BCL9L: variants seen among roughly 807,000 people sequenced by gnomAD.
BCL9L encodes the protein BCL9 like.
BCL9L carries 19 observed loss-of-function variants against 99.4 expected under a neutral mutation model. The observed-to-expected ratio is 0.19, with a 90% CI of 0.13 to 0.28. The LOEUF (loss-of-function observed/expected upper bound fraction) is 0.28, where lower values mean the gene tolerates loss of function less well. Among genes scored for constraint, BCL9L ranks in the 10% least tolerant of loss-of-function variants. The probability of loss-of-function intolerance (pLI) is 1.00; values close to 1 mark genes in which losing one functional copy is unlikely to be tolerated. For synonymous variants in BCL9L, 900 were observed against 854.8 expected, an observed-to-expected ratio of 1.05 and a Z score of -0.92; for missense variants, 2,023 against 2,101.6, an observed-to-expected ratio of 0.96 and a Z score of 0.73.
In BCL9L at chr11:118,900,611, T is replaced by C. The variant is rs376069243; in HGVS notation, c.3124+8A>G. ...CTGCCTGCCTGCCTGCCTGCGCAAT[T>C]GACTCACCCTGTTCCATGTTGCTCA... On this transcript the variant is annotated splice_region_variant and intron_variant, in intron 8 of 9. Transcript: ENST00000683865. The surrounding 1 kb of genome is among the most constrained non-coding windows in gnomAD (Gnocchi z 5.3). 2.5e-6 allele frequency: 4 copies of C among 1,592,294 alleles called. No individual in the cohort carries two copies. The highest frequency in any genetic ancestry group is 3.4e-6 in the Non-Finnish European group (4 of 1,167,356).
chr11:118,899,258 C>T lies in BCL9L; in HGVS notation c.3657G>A (p.Val1219=), dbSNP rs1446339191. Residue 1219 remains valine, a synonymous_variant, in exon 10 of 10, where the codon GTG becomes GTA. Transcript: ENST00000683865. The part of the protein sequence containing the change: ...PDSLNAPCGP[V]PSSSQMMPFP... ...AGGGCATCATCTGGGAGGAGCTGGG[C>T]ACTGGGCCACAGGGGGCATTCAGGG... 1 of 1,524,904 alleles carries T rather than the reference C, an allele frequency of 6.6e-7. No individual in the cohort carries two copies. Among genetic ancestry groups the T allele is most frequent in the Non-Finnish European group, 8.8e-7 (1 of 1,137,464 alleles). The allele number at this position is 1,524,904 out of a possible 1,614,324, so 94.5% of individuals were successfully genotyped here.
rs372313143 is a variant in BCL9L at position 118,899,279 on chromosome 11, C to A, written c.3636G>T (p.Leu1212=). ...MMMAPGGPDS[L]NAPCGPVPSS... is the part of the protein sequence containing the mutation. ...TGGGCACTGGGCCACAGGGGGCATTCAGGGAGTCGGGGCCCCCTGGGGCCA... is the reference window on the plus strand; with the variant it reads ...TGGGCACTGGGCCACAGGGGGCATTAAGGGAGTCGGGGCCCCCTGGGGCCA... Residue 1212 remains leucine, a synonymous_variant, in exon 10 of 10, where the codon CTG becomes CTT. Coordinates refer to ENST00000683865, the MANE Select transcript of BCL9L (RefSeq NM_001378213.1). 5.2e-6 allele frequency: 8 copies of A among 1,529,868 alleles called. No homozygotes were observed. Among genetic ancestry groups the A allele is most frequent in the Non-Finnish European group, 7.0e-6 (8 of 1,139,714 alleles). 94.8% of individuals were successfully genotyped at this position (1,529,868 alleles called of 1,614,324 possible). A position where few individuals can be genotyped will look rare whatever the true frequency, so the allele number is the denominator to read the frequency against.
chr11:118,898,294 G>GCCCCCAACCCCCCCCCCCCCC lies in BCL9L; in HGVS notation c.*120_*121insGGGGGGGGGGGGGGTTGGGGG. 1 of 452,312 alleles carries GCCCCCAACCCCCCCCCCCCCC rather than the reference G, an allele frequency of 2.2e-6. No individual in the cohort carries two copies. Among genetic ancestry groups the GCCCCCAACCCCCCCCCCCCCC allele is most frequent in the Non-Finnish European group, 4.1e-6 (1 of 244,762 alleles). 28.0% of individuals were successfully genotyped at this position (452,312 alleles called of 1,614,324 possible). A position where few individuals can be genotyped will look rare whatever the true frequency, so the allele number is the denominator to read the frequency against. ...TCCACAAATGCCACTCCCTACACAAGCCCCCTCCCACCCCCTCCACCCCAC... is the reference window on the plus strand; with the variant it reads ...TCCACAAATGCCACTCCCTACACAAGCCCCCAACCCCCCCCCCCCCCCCCCCTCCCACCCCCTCCACCCCAC... On this transcript the variant is annotated 3_prime_UTR_variant, in exon 10 of 10. Coordinates refer to ENST00000683865, the MANE Select transcript of BCL9L (RefSeq NM_001378213.1).
At chr11:118,913,650 A>C (rs1052536309) in intron 2 of BCL9L, among the ~76,000 whole-genome samples, 14 of 151,898 alleles carry the variant, frequency 9.2e-5, no homozygotes, top group East Asian at 2.0e-4. Flanking sequence ...CCAGGCACAA[A>C]CAACCAACAC....
At chr11:118,906,877 A>AG (rs1442578551) in intron 5 of BCL9L, among the ~76,000 whole-genome samples, 10 of 152,112 alleles carry the variant, frequency 6.6e-5, no homozygotes, top group Non-Finnish European at 1.3e-4. Flanking sequence ...GTAAACTTTG[A>AG]GGGAAAAAAA....
At chr11:118,899,599 G>A (rs1196792406) in intron 9 of BCL9L, 91 bp from the exon 10 acceptor site, 1 of 1,492,776 alleles carries the variant, frequency 6.7e-7, no homozygotes, top group African/African-American at 1.4e-5. Context: ...CAAGCCAGGG[G>A]GTGCCAGAGG....
chr11:118,904,626 C>A (rs1195769275), intron 5 of BCL9L, among the ~76,000 whole-genome samples: 1 of 152,104 alleles, frequency 6.6e-6, no homozygotes, highest in Non-Finnish European at 1.5e-5. Context: ...GTGGGTAGAC[C>A]CATTCGCATG....
chr11:118,901,365 T>C lies in BCL9L; in HGVS notation c.2378A>G (p.Gln793Arg). Residue 793 changes from glutamine to arginine, a missense_variant, in exon 8 of 10, where the codon CAG (glutamine) becomes CGG (arginine). Transcript: ENST00000683865. This position sits in a 1 kb window ranked among gnomAD's most constrained non-coding sequence, Gnocchi z 6.6. ...CCGCATCTTCTGCGACATCAGCATCTGCTGCTGCGGGGTCATCTGCACGTT... is the reference window on the plus strand; with the variant it reads ...CCGCATCTTCTGCGACATCAGCATCCGCTGCTGCGGGGTCATCTGCACGTT... ...NLNVQMTPQQ[Q>R]MLMSQKMRGP... The C allele has an allele frequency of 6.2e-7, 1 of 1,613,900 alleles. No individual in the cohort carries two copies. Among genetic ancestry groups the C allele is most frequent in the Non-Finnish European group, 8.5e-7 (1 of 1,179,960 alleles).
rs1225214435 is a variant in BCL9L at position 118,903,326 on chromosome 11, T to A, written c.659A>T (p.Asp220Val). The A allele has an allele frequency of 3.8e-6, 6 of 1,587,074 alleles. No individual in the cohort carries two copies. Among genetic ancestry groups the A allele is most frequent in the Non-Finnish European group, 5.1e-6 (6 of 1,167,986 alleles). Reference sequence around the variant, plus strand: ...GCCCCCGCCCCCGCCCCCAGGGGCATCAGGCCGAAGGCCAGGAGGAGGGCC... The same window carrying A: ...GCCCCCGCCCCCGCCCCCAGGGGCAACAGGCCGAAGGCCAGGAGGAGGGCC... ...PHGPPPGLRP[D>V]APGGGGGGGG... The change falls in exon 6 of 10, where the codon GAT becomes GTT. Residue 220 changes from aspartate to valine, a missense_variant. Coordinates refer to ENST00000683865, the MANE Select transcript of BCL9L (RefSeq NM_001378213.1). The surrounding 1 kb of genome is among the most constrained non-coding windows in gnomAD (Gnocchi z 5.6).
In BCL9L at chr11:118,898,700, C is replaced by CACGCCTGTCCTGCCCAGCAAGG; in HGVS notation, c.4193_4214dup (p.Pro1406LeufsTer118). ...GGGGCACCATCCCCTGCTGTGGGGG[C>CACGCCTGTCCTGCCCAGCAAGG]ACGCCTGTCCTGCCCAGCAAGGACA... On this transcript the variant is annotated frameshift_variant, in exon 10 of 10. Coordinates refer to ENST00000683865, the MANE Select transcript of BCL9L (RefSeq NM_001378213.1). LOFTEE classifies it high-confidence loss of function. The CACGCCTGTCCTGCCCAGCAAGG allele has an allele frequency of 6.2e-7, 1 of 1,611,550 alleles. No individual in the cohort carries two copies.
Position 118,902,463 on chromosome 11 carries a change from G to C in BCL9L, c.1280C>G (p.Thr427Ser), listed in dbSNP as rs1337492853. 6.2e-7 allele frequency: 1 copy of C among 1,608,000 alleles called. No individual in the cohort carries two copies. Among genetic ancestry groups the C allele is most frequent in the South Asian group, 1.1e-5 (1 of 90,528 alleles). The change falls in exon 8 of 10, where the codon ACT becomes AGT. Residue 427 changes from threonine (T) to serine (S), a missense_variant. By Grantham distance (58) the Thr-to-Ser change is moderately conservative. Around this residue, in one of 3 missense-constraint regions of BCL9L, gnomAD observed 1,116 missense variants for 1,194.6 expected, o/e 0.93. Coordinates refer to ENST00000683865, the MANE Select transcript of BCL9L (RefSeq NM_001378213.1). This position sits in a 1 kb window ranked among gnomAD's most constrained non-coding sequence, Gnocchi z 7.8. ...TGGGGGCCCCTTGAGGAAGGGCTCA[G>C]TCTCTCCGCTGCGGAGCAGCAGTCG... is the stretch of plus-strand genomic sequence containing the variant. ...IERLLLRSGETEPFLKGPPGG... is the reference protein window; with the variant it reads ...IERLLLRSGESEPFLKGPPGG...
In BCL9L at chr11:118,898,797, C is replaced by A. The variant is rs144873287; in HGVS notation, c.4118G>T (p.Arg1373Leu). The change falls in exon 10 of 10, where the codon CGG (arginine) becomes CTG (leucine). Residue 1373 changes from arginine (R) to leucine (L), a missense_variant. Coordinates refer to ENST00000683865, the MANE Select transcript of BCL9L (RefSeq NM_001378213.1). ...QNMMAEQTPS[R>L]PPNLPGQQGV... ...CTGCTGGCCTGGGAGGTTGGGAGGC[C>A]GAGAGGGAGTCTGCTCCGCCATCAT... 2 of 1,613,796 alleles carry A rather than the reference C, an allele frequency of 1.2e-6. No homozygotes were observed. Among genetic ancestry groups the A allele is most frequent in the South Asian group, 2.2e-5 (2 of 91,066 alleles).
intron 1 of BCL9L, among the ~76,000 whole-genome samples, chr11:118,920,452 C>G (rs1441104077): frequency 1.3e-5 from 2 of 152,174 alleles, no homozygotes; most frequent in African/African-American, 4.8e-5. Context: ...GTCTTCTGCT[C>G]AGGCTGGAAA....
intron 2 of BCL9L, 30 bp downstream of exon 2, chr11:118,918,796 G>C (rs952626686): frequency 2.6e-5 from 4 of 152,232 alleles, no homozygotes; most frequent in Admixed American, 1.3e-4. Context: ...GAGGCTGAGA[G>C]GGACACACAG....
chr11:118,907,592 C>T lies in BCL9L; in HGVS notation c.423G>A (p.Pro141=), dbSNP rs139589770. 45 of 1,613,018 alleles carry T rather than the reference C, an allele frequency of 2.8e-5. No individual in the cohort carries two copies. The highest frequency in any genetic ancestry group is 2.2e-4 in the South Asian group (20 of 91,090). Residue 141 remains proline, a synonymous_variant, in exon 5 of 10, where the codon CCG becomes CCA. Coordinates refer to ENST00000683865, the MANE Select transcript of BCL9L (RefSeq NM_001378213.1). ...SLDSEAKEVA[P]RSKRRCVLER... ...CCAGCACACAGCGCCGCTTACTCCG[C>T]GGCGCCACCTCTGCCCAGGCAGGAC...
chr11:118,917,967 C>T (rs2134438026), intron 2 of BCL9L, among the ~76,000 whole-genome samples: 1 of 152,310 alleles, frequency 6.6e-6, no homozygotes, highest in Admixed American at 6.5e-5. Context: ...AGCCCTGCCC[C>T]CCACCCACCT....
intron 2 of BCL9L, among the ~76,000 whole-genome samples, chr11:118,916,604 C>T (rs754961955): frequency 5.9e-5 from 9 of 152,226 alleles, no homozygotes; most frequent in East Asian, 3.9e-4. Flanking sequence ...GTCCCTTGGA[C>T]GCTGTAGATG....
intron 2 of BCL9L, among the ~76,000 whole-genome samples, chr11:118,913,733 T>G (rs1028707388): frequency 7.8e-6 from 1 of 127,992 alleles, no homozygotes; most frequent in African/African-American, 3.0e-5. Context: ...AAAAGCTTGG[T>G]ACCCCAACAG....
intron 2 of BCL9L, among the ~76,000 whole-genome samples, chr11:118,916,271 G>A (rs1334330483): frequency 3.3e-5 from 5 of 152,188 alleles, no homozygotes; most frequent in African/African-American, 9.7e-5. Context: ...TGCTAGCTAA[G>A]TCCAGGCCTC....
Sources: gnomAD v4.1 joint callset for allele counts (sites outside exome capture counted in the v4.1 genomes callset) on GRCh38, gnomAD v4.1.1 for gene constraint, gnomAD v4.1.1 regional missense constraint, Gnocchi (gnomAD v3.1) non-coding constraint, MANE v1.5 for transcripts, NCBI Gene and HGNC (gene_info 2026-07-23, HGNC 2026-07-21) for gene names.